LHFPL6: variants seen among roughly 807,000 people sequenced by gnomAD.
LHFPL6 encodes LHFPL tetraspan subfamily member 6 protein.
A neutral mutation model predicts 20.6 loss-of-function variants in LHFPL6; 9 were observed. The ratio of observed to expected loss-of-function variants is 0.44; its 90% CI spans 0.26 to 0.76. LHFPL6 has a LOEUF of 0.76. Ranked by LOEUF, LHFPL6 falls within the 30% of genes least tolerant of loss-of-function variation. LHFPL6 has a pLI of 0.20. For synonymous variants in LHFPL6, 105 were observed against 98.7 expected (o/e 1.06, Z -0.38); for missense variants, 218 against 253.5 (o/e 0.86, Z 0.95).
rs34041103 is a variant in LHFPL6, at chr13:39,483,483, A to ATTTTT, written c.386-104962_386-104958dup. ...CCAAACTCCTGTCTTCCTCATTACA[A>ATTTTT]TTTTTTTTTTTTTTTTTTTTACAAA... On this transcript the variant is annotated intron_variant, in intron 2 of 3. Transcript: ENST00000379589. 4.7e-3 allele frequency among the ~76,000 whole-genome samples: 642 copies of ATTTTT among 137,842 alleles called. 3 individuals are homozygous for ATTTTT. Among genetic ancestry groups the ATTTTT allele is most frequent in the African/African-American group, 0.016 (584 of 37,404 alleles). The allele number at this position is 137,842 out of a possible 152,430, so 90.4% of individuals were successfully genotyped here.
intron 2 of LHFPL6, among the ~76,000 whole-genome samples, chr13:39,546,847 A>G (rs1167252272): frequency 6.6e-6 from 1 of 151,586 alleles, no homozygotes; most frequent in Non-Finnish European, 1.5e-5. Context: ...CAGTCATGTC[A>G]CTCTCAAATC....
intron 2 of LHFPL6, among the ~76,000 whole-genome samples, chr13:39,527,305 T>C (rs936255788): frequency 6.6e-6 from 1 of 152,200 alleles, no homozygotes; most frequent in African/African-American, 2.4e-5. Context: ...AAGAGGCCTT[T>C]GGCCCTCATG....
intron 2 of LHFPL6, among the ~76,000 whole-genome samples, chr13:39,503,886 A>G (rs1566126501): frequency 6.6e-6 from 1 of 152,222 alleles, no homozygotes; most frequent in Non-Finnish European, 1.5e-5. Flanking sequence ...GACAAGTCAA[A>G]TACAAAAAGC....
At chr13:39,396,697 G>A (rs1024205993) in intron 2 of LHFPL6, among the ~76,000 whole-genome samples, 5 of 152,166 alleles carry the variant, frequency 3.3e-5, no homozygotes, top group Non-Finnish European at 7.4e-5. Context: ...GGAGGCTGAG[G>A]TGGTGGGAGG....
chr13:39,595,794 C>T (rs1872754117), intron 2 of LHFPL6, among the ~76,000 whole-genome samples: 2 of 152,208 alleles, frequency 1.3e-5, no homozygotes, highest in Non-Finnish European at 1.5e-5. Context: ...ACCAGGAGAT[C>T]TTTTCATTAG....
chr13:39,380,942 T>C (rs1271426184), intron 2 of LHFPL6, among the ~76,000 whole-genome samples: 1 of 152,110 alleles, frequency 6.6e-6, no homozygotes, highest in East Asian at 1.9e-4. Context: ...TGCAGGAAAA[T>C]AGGCCCAGGG....
At chr13:39,425,503 G>C (rs1175165622) in intron 2 of LHFPL6, among the ~76,000 whole-genome samples, 1 of 152,192 alleles carries the variant, frequency 6.6e-6, no homozygotes, top group Non-Finnish European at 1.5e-5. Context: ...TGCATTAGCA[G>C]TTTATGAGAA....
intron 2 of LHFPL6, among the ~76,000 whole-genome samples, chr13:39,461,276 C>T (rs775818349): frequency 1.8e-4 from 28 of 152,034 alleles, no homozygotes; most frequent in Non-Finnish European, 3.7e-4. Flanking sequence ...TTTGCTATTG[C>T]GAATAGTACT....
chr13:39,441,892 C>T (rs1872147538), intron 2 of LHFPL6, among the ~76,000 whole-genome samples: 1 of 139,116 alleles, frequency 7.2e-6, no homozygotes, highest in Non-Finnish European at 1.5e-5. Context: ...TGCAATGGTG[C>T]TGCCTCGGCT....
At chr13:39,519,598 AATAGATTT>A (rs1452336464) in intron 2 of LHFPL6, among the ~76,000 whole-genome samples, 1 of 152,214 alleles carries the variant, frequency 6.6e-6, no homozygotes, top group Admixed American at 6.5e-5. Context: ...ATTGAACACT[AATAGATTT>A]TTTTCTTTTT....
chr13:39,417,539 G>T (rs1871378655), intron 2 of LHFPL6, among the ~76,000 whole-genome samples: 1 of 152,190 alleles, frequency 6.6e-6, no homozygotes, highest in African/African-American at 2.4e-5. Context: ...GAGGGAAGGA[G>T]TCACATCAAG....
At chr13:39,570,027 G>A (rs1293776319) in intron 2 of LHFPL6, among the ~76,000 whole-genome samples, 3 of 152,196 alleles carry the variant, frequency 2.0e-5, no homozygotes, top group African/African-American at 7.2e-5. Flanking sequence ...GAGAGTCTAT[G>A]AAATATCTAT....
intron 3 of LHFPL6, among the ~76,000 whole-genome samples, chr13:39,354,525 T>C (rs939945839): frequency 2.6e-5 from 4 of 152,180 alleles, no homozygotes; most frequent in Non-Finnish European, 4.4e-5. Context: ...TCTCCGGAAA[T>C]GGTTGCTAAC....
intron 2 of LHFPL6, among the ~76,000 whole-genome samples, chr13:39,543,659 T>C (rs1199598929): frequency 6.6e-6 from 1 of 151,928 alleles, no homozygotes; most frequent in Non-Finnish European, 1.5e-5. Flanking sequence ...GAAAAGAGTA[T>C]CTACAAGAAA....
chr13:39,475,867 T>G (rs1020397104), intron 2 of LHFPL6, among the ~76,000 whole-genome samples: 1 of 152,136 alleles, frequency 6.6e-6, no homozygotes, highest in African/African-American at 2.4e-5. Context: ...CAGGCAATGA[T>G]GTGTAGCACT....
chr13:39,533,054 C>T (rs1870512806), intron 2 of LHFPL6, among the ~76,000 whole-genome samples: 1 of 152,178 alleles, frequency 6.6e-6, no homozygotes, highest in African/African-American at 2.4e-5. Context: ...AAGCCATAGA[C>T]ATTTCTCAAG....
intron 3 of LHFPL6, among the ~76,000 whole-genome samples, chr13:39,348,417 G>C (rs905190781): frequency 6.6e-5 from 10 of 152,130 alleles, no homozygotes; most frequent in African/African-American, 2.2e-4. Context: ...TGCACACCGG[G>C]CTTTCTTCCC....
chr13:39,362,662 C>T (rs1161256143), intron 3 of LHFPL6, among the ~76,000 whole-genome samples: 1 of 152,214 alleles, frequency 6.6e-6, no homozygotes, highest in Non-Finnish European at 1.5e-5. Context: ...CCCTCTTACA[C>T]TCTGTGTGGC....
At chr13:39,457,082 G>C (rs552619631) in intron 2 of LHFPL6, among the ~76,000 whole-genome samples, 6 of 152,140 alleles carry the variant, frequency 3.9e-5, no homozygotes, top group Admixed American at 6.5e-5. Flanking sequence ...TTATAGACGT[G>C]AGCCACAGCA....
Sources: gnomAD v4.1 joint callset for allele counts (sites outside exome capture counted in the v4.1 genomes callset) on GRCh38, gnomAD v4.1.1 for gene constraint, MANE v1.5 for transcripts, NCBI Gene and HGNC (gene_info 2026-07-23, HGNC 2026-07-21) for gene names.